The following JPH2 variants were observed in gnomAD, a reference collection of about 807,000 sequenced individuals.
The protein encoded by JPH2 is junctophilin-2.
In JPH2, 38 loss-of-function variants were observed where a neutral mutation model predicts 55.9. The ratio of observed to expected loss-of-function variants is 0.68; its 90% CI spans 0.52 to 0.89. JPH2 has a LOEUF of 0.89. Ranked by LOEUF, JPH2 falls within the 40% of genes least tolerant of loss-of-function variation. The probability of loss-of-function intolerance (pLI) is 0.00; values close to 1 mark genes in which losing one functional copy is unlikely to be tolerated. For synonymous variants in JPH2, 480 were observed against 472.4 expected (o/e 1.02, Z -0.21); for missense variants, 964 against 1,037.6 (o/e 0.93, Z 0.97).
intron 1 of JPH2, among the ~76,000 whole-genome samples, chr20:44,185,012 G>C (rs1249748699): frequency 6.6e-6 from 1 of 152,218 alleles, no homozygotes; most frequent in African/African-American, 2.4e-5. Context: ...CTGGCCTCAA[G>C]TGATCCTCCC....
rs764421421 is a variant in JPH2, at chr20:44,186,600, C to T, written c.106G>A (p.Gly36Ser). Residue 36 changes from glycine (G) to serine (S), a missense_variant, in exon 1 of 6, where the codon GGC becomes AGC. Gly to Ser is a moderately conservative substitution (Grantham distance 56). Coordinates refer to ENST00000372980, the MANE Select transcript of JPH2 (RefSeq NM_020433.5). ...HGLCTGPKGQ[G>S]EYSGSWNFGF... ...AAGTTCCAGGAGCCAGAGTATTCGC[C>T]CTGGCCCTTGGGGCCTGTGCACAGT... is the stretch of plus-strand genomic sequence containing the variant. 1 of 1,613,738 alleles carries T rather than the reference C, an allele frequency of 6.2e-7. No homozygotes were observed. The highest frequency in any genetic ancestry group is 1.1e-5 in the South Asian group (1 of 91,084).
intron 1 of JPH2, among the ~76,000 whole-genome samples, chr20:44,174,733 G>A (rs1330899593): frequency 1.3e-5 from 2 of 152,162 alleles, no homozygotes; most frequent in Admixed American, 1.3e-4. Flanking sequence ...AGGTGTGGTG[G>A]CTCAGGGCTG....
At chr20:44,147,957 A>G (rs1056023431) in intron 2 of JPH2, among the ~76,000 whole-genome samples, 33 of 152,088 alleles carry the variant, frequency 2.2e-4, no homozygotes, top group African/African-American at 8.0e-4. Context: ...GAGGTCAGGA[A>G]TTCAAGATCA....
In JPH2 at chr20:44,108,305, C is replaced by G. The variant is rs916260819; in HGVS notation, c.*5213G>C. On this transcript the variant is annotated 3_prime_UTR_variant, in exon 6 of 6. Transcript: ENST00000372980. Reference sequence around the variant, plus strand: ...CCCTTGGCTGGTTCTGATTCGCATTCTTTGCTTGTAATCAATGTGACTTGA... The same window carrying G: ...CCCTTGGCTGGTTCTGATTCGCATTGTTTGCTTGTAATCAATGTGACTTGA... Among the ~76,000 whole-genome samples the G allele has an allele frequency of 2.0e-5, 3 of 152,160 alleles. No individual in the cohort carries two copies. The highest frequency in any genetic ancestry group is 2.9e-5 in the Non-Finnish European group (2 of 68,032).
At position 44,111,642 on chromosome 20, in the gene JPH2, CCTT is replaced by C. The variant is rs371333370; in HGVS notation, c.*1873_*1875del. ...CCCCCAGCCTCTTCCCACCCACCCTCCTTGAGCCAGCCCCTCATCCTGGACCCA... is the reference window on the plus strand; with the variant it reads ...CCCCCAGCCTCTTCCCACCCACCCTCGAGCCAGCCCCTCATCCTGGACCCA... On this transcript the variant is annotated 3_prime_UTR_variant, in exon 6 of 6. Transcript: ENST00000372980. The C allele has an allele frequency of 5.9e-5, 9 of 152,090 alleles. No homozygotes were observed. Among genetic ancestry groups the C allele is most frequent in the African/African-American group, 2.2e-4 (9 of 41,480 alleles). The allele number at this position is 152,090 out of a possible 1,614,324, so 9.4% of individuals were successfully genotyped here. A position where few individuals can be genotyped will look rare whatever the true frequency, so the allele number is the denominator to read the frequency against.
intron 2 of JPH2, 55 bp from the exon 3 acceptor site, chr20:44,118,678 G>T: frequency 1.4e-6 from 2 of 1,389,786 alleles, no homozygotes; most frequent in Non-Finnish European, 2.0e-6. Context: ...CCAGCCTTCT[G>T]CCCCTTCTCC....
chr20:44,125,113 CAA>C lies in JPH2; in HGVS notation c.1170-6492_1170-6491del, dbSNP rs11299035. On this transcript the variant is annotated intron_variant, in intron 2 of 5. Transcript: ENST00000372980. ...TGGGTGACAGAGTGAGACTCTGGCT[CAA>C]AAAAAAAAAAAAAAAAGTAACATTT... is the stretch of plus-strand genomic sequence containing the variant. Among the ~76,000 whole-genome samples the C allele has an allele frequency of 7.0e-3, 820 of 117,964 alleles. 1 individual carries two copies. The highest frequency in any genetic ancestry group is 9.0e-3 in the Non-Finnish European group (502 of 55,638). The allele number at this position is 117,964 out of a possible 152,430, so 77.4% of individuals were successfully genotyped here. A position where few individuals can be genotyped will look rare whatever the true frequency, so the allele number is the denominator to read the frequency against.
At chr20:44,124,645 C>A (rs2072263000) in intron 2 of JPH2, among the ~76,000 whole-genome samples, 1 of 151,036 alleles carries the variant, frequency 6.6e-6, no homozygotes, top group African/African-American at 2.4e-5. Context: ...AAGATCCCAA[C>A]TCTATCTTAA....
chr20:44,149,625 C>T (rs1040339469), intron 2 of JPH2, among the ~76,000 whole-genome samples: 20 of 152,126 alleles, frequency 1.3e-4, no homozygotes, highest in Non-Finnish European at 2.9e-5. Context: ...CTGCCCTCTT[C>T]CCCCCAACCC....
At chr20:44,130,917 G>A (rs2072313396) in intron 2 of JPH2, among the ~76,000 whole-genome samples, 1 of 152,100 alleles carries the variant, frequency 6.6e-6, no homozygotes, top group Admixed American at 6.5e-5. Context: ...TTGAGGCATG[G>A]TGGTTAATAG....
chr20:44,107,319 T>G lies in JPH2; in HGVS notation c.*6199A>C, dbSNP rs540894590. Among the ~76,000 whole-genome samples, 3 of 152,258 alleles carry G rather than the reference T, an allele frequency of 2.0e-5. No homozygotes were observed. The South Asian group carries it at 6.3e-4, about 32-fold the overall frequency. On this transcript the variant is annotated 3_prime_UTR_variant, in exon 6 of 6. Transcript: ENST00000372980. ...CTAAGTGGGACAATGGGGATGGTAC[T>G]ACAGGCTGTACTGTCTTGTCTGTTT...
intron 1 of JPH2, among the ~76,000 whole-genome samples, chr20:44,168,085 A>AG (rs2072670404): frequency 6.6e-6 from 1 of 152,174 alleles, no homozygotes. Flanking sequence ...CTCAGTGCCT[A>AG]GGATATAGTA....
At position 44,186,937 on chromosome 20, in the gene JPH2, C is replaced by T; in HGVS notation, c.-232G>A. On this transcript the variant is annotated 5_prime_UTR_variant, in exon 1 of 6. Transcript: ENST00000372980. ...GGAGCCCCGACTCCACCAGCCAGAG[C>T]AAGGCTGCCTGCTGGAAAGAAAGCA... is the stretch of plus-strand genomic sequence containing the variant. The T allele has an allele frequency of 6.7e-6, 4 of 592,686 alleles. No homozygotes were observed. Among genetic ancestry groups the T allele is most frequent in the Non-Finnish European group, 1.2e-5 (4 of 332,906 alleles). The allele number at this position is 592,686 out of a possible 1,614,324, so 36.7% of individuals were successfully genotyped here.
intron 3 of JPH2, among the ~76,000 whole-genome samples, chr20:44,117,626 C>T (rs1407293842): frequency 1.3e-5 from 2 of 152,232 alleles, no homozygotes; most frequent in African/African-American, 4.8e-5. Flanking sequence ...ATCAGAAACT[C>T]TGGGGGTGGA....
At chr20:44,127,508 C>T (rs191689047) in intron 2 of JPH2, among the ~76,000 whole-genome samples, 3,732 of 140,512 alleles carry the variant, frequency 0.027, 47 homozygotes, top group Non-Finnish European at 0.037. Flanking sequence ...TTTTTGGAAA[C>T]GGAGTCTCGC....
intron 1 of JPH2, among the ~76,000 whole-genome samples, chr20:44,170,511 T>C (rs1171974612): frequency 1.3e-5 from 2 of 151,846 alleles, no homozygotes; most frequent in African/African-American, 2.4e-5. Context: ...AGTCCAGGGG[T>C]TAATGGCTCT....
In JPH2 at chr20:44,132,355, GACAC is replaced by G. The variant is rs749014190; in HGVS notation, c.1170-13736_1170-13733del. ...GAGGTGGAAGGGAGGCAGACAGACA[GACAC>G]ACACACACACACACACACACACACA... On this transcript the variant is annotated intron_variant, in intron 2 of 5. Transcript: ENST00000372980. Among the ~76,000 whole-genome samples, 715 of 101,240 alleles carry G rather than the reference GACAC, an allele frequency of 7.1e-3. 3 individuals are homozygous for G. The highest frequency in any genetic ancestry group is 0.022 in the South Asian group (46 of 2,078). The allele number at this position is 101,240 out of a possible 152,430, so 66.4% of individuals were successfully genotyped here.
intron 1 of JPH2, among the ~76,000 whole-genome samples, chr20:44,176,261 C>T (rs1171101694): frequency 6.6e-6 from 1 of 152,016 alleles, no homozygotes; most frequent in Non-Finnish European, 1.5e-5. Flanking sequence ...CCCAAAACAG[C>T]CTTTTCTCAA....
At chr20:44,185,785 G>A (rs1319821608) in intron 1 of JPH2, among the ~76,000 whole-genome samples, 1 of 151,870 alleles carries the variant, frequency 6.6e-6, no homozygotes, top group Non-Finnish European at 1.5e-5. Context: ...AAGCATGAAT[G>A]CGTGGGTGGG....
Sources: allele counts gnomAD v4.1 joint callset (sites outside exome capture counted in the v4.1 genomes callset), GRCh38; gene constraint gnomAD v4.1.1; transcripts MANE v1.5; gene names NCBI Gene and HGNC (gene_info 2026-07-23, HGNC 2026-07-21).